GALNT8: variants seen among roughly 807,000 people sequenced by gnomAD.
GALNT8 encodes the protein polypeptide N-acetylgalactosaminyltransferase 8.
A neutral mutation model predicts 62.7 loss-of-function variants in GALNT8; 66 were observed. The observed-to-expected ratio is 1.05, with a 90% confidence interval of 0.86 to 1.29. GALNT8 has a LOEUF of 1.29. Ranked by LOEUF, GALNT8 falls within the 50% of genes most tolerant of loss-of-function variation. GALNT8 has a pLI of 0.00. For missense variants in GALNT8, 771 were observed against 791.8 expected, an observed-to-expected ratio of 0.97 and a Z score of 0.32; for synonymous variants, 288 against 294.3, an observed-to-expected ratio of 0.98 and a Z score of 0.22.
intron 4 of GALNT8, 142 bp from the exon 5 acceptor site, chr12:4,745,287 G>C (rs1946292071): frequency 1.6e-6 from 1 of 644,804 alleles, no homozygotes; most frequent in Non-Finnish European, 2.8e-6. Flanking sequence ...CTGGACTCTA[G>C]AGAGTTCTAC....
chr12:4,768,460 A>G (rs1423375177), intron 10 of GALNT8: 1 of 369,002 alleles, frequency 2.7e-6, no homozygotes, highest in Non-Finnish European at 5.4e-6. Context: ...TACTAAATAA[A>G]TAATTATGCA....
rs946937851 is a variant in GALNT8 at position 4,765,525 on chromosome 12, T to C, written c.1740T>C (p.His580=). 4 of 1,604,306 alleles carry C rather than the reference T, an allele frequency of 2.5e-6. No homozygotes were observed. In the Admixed American group the frequency reaches 6.9e-5, roughly 28 times the overall value. ...CCAAGGCAGCTAAGAATAGACTGCA[T>C]ATATATTGGGATTTTAAACCGGTGA... ...PCSKAAKNRL[H]IYWDFKPGGA... The change falls in exon 10 of 11, where the codon CAT becomes CAC. Residue 580 remains histidine, a synonymous_variant. Coordinates refer to ENST00000252318, the MANE Select transcript of GALNT8 (RefSeq NM_017417.2).
At position 4,720,636 on chromosome 12, in the gene GALNT8, C is replaced by A; in HGVS notation, c.-42C>A. The A allele has an allele frequency of 8.1e-7, 1 of 1,228,956 alleles. No individual in the cohort carries two copies. Among genetic ancestry groups the A allele is most frequent in the Non-Finnish European group, 1.2e-6 (1 of 828,304 alleles). 76.1% of individuals were successfully genotyped at this position (1,228,956 alleles called of 1,614,324 possible). ...GATTCTTAACCTGCTCCAGCAGTGA[C>A]ACACTCAGTCCCACAGGGAGTGGAC... is the stretch of plus-strand genomic sequence containing the variant. On this transcript the variant is annotated 5_prime_UTR_variant, in exon 1 of 11. Transcript: ENST00000252318.
chr12:4,737,536 T>C (rs778569181), intron 2 of GALNT8, among the ~76,000 whole-genome samples: 3 of 152,228 alleles, frequency 2.0e-5, no homozygotes, highest in Non-Finnish European at 4.4e-5. Context: ...ATTCTGTTTT[T>C]CTTAACAAGG....
At chr12:4,768,104 C>A (rs1201774395) in intron 10 of GALNT8, among the ~76,000 whole-genome samples, 1 of 152,052 alleles carries the variant, frequency 6.6e-6, no homozygotes, top group Non-Finnish European at 1.5e-5. Context: ...TTTTTCAATT[C>A]TTAAGTTCTC....
intron 3 of GALNT8, among the ~76,000 whole-genome samples, chr12:4,740,146 G>C (rs1460655528): frequency 1.3e-5 from 2 of 152,190 alleles, no homozygotes; most frequent in African/African-American, 4.8e-5. Context: ...AGTGGCAACA[G>C]CTCTTGCCCA....
chr12:4,731,126 G>A (rs1278807771), intron 2 of GALNT8, among the ~76,000 whole-genome samples: 2 of 151,848 alleles, frequency 1.3e-5, no homozygotes, highest in Non-Finnish European at 2.9e-5. Context: ...GTGAGCCACC[G>A]CCCCCGGCCT....
intron 6 of GALNT8, among the ~76,000 whole-genome samples, chr12:4,747,257 T>G (rs1477468802): frequency 6.6e-6 from 1 of 152,186 alleles, no homozygotes; most frequent in Non-Finnish European, 1.5e-5. Context: ...AATGCAAAAT[T>G]AAATTATTAT....
At chr12:4,762,777 G>T (rs1382356992) in intron 7 of GALNT8, among the ~76,000 whole-genome samples, 1 of 152,246 alleles carries the variant, frequency 6.6e-6, no homozygotes, top group East Asian at 1.9e-4. Context: ...TGAAGGAGCT[G>T]TTAAAAGAAA....
intron 6 of GALNT8, among the ~76,000 whole-genome samples, chr12:4,747,432 T>C (rs1252793361): frequency 2.0e-5 from 3 of 152,176 alleles, no homozygotes; most frequent in Non-Finnish European, 2.9e-5. Context: ...AGTTCAATTG[T>C]TTTGATTTTT....
chr12:4,740,160 G>A (rs1371268718), intron 3 of GALNT8, among the ~76,000 whole-genome samples: 1 of 152,140 alleles, frequency 6.6e-6, no homozygotes, highest in Non-Finnish European at 1.5e-5. Context: ...TTGCCCACAG[G>A]GTGCCCGTGC....
intron 9 of GALNT8, among the ~76,000 whole-genome samples, chr12:4,764,493 A>G (rs1212375927): frequency 6.8e-6 from 1 of 147,168 alleles, no homozygotes; most frequent in Non-Finnish European, 1.5e-5. Context: ...CAAGGGATGG[A>G]AGGGCCCTGG....
In GALNT8 at chr12:4,720,461, T is replaced by C. The variant is rs751934384; in HGVS notation, c.-217T>C. 5.0e-5 allele frequency: 28 copies of C among 557,222 alleles called. No homozygotes were observed. Among genetic ancestry groups the C allele is most frequent in the Non-Finnish European group, 8.0e-5 (25 of 314,088 alleles). 34.5% of individuals were successfully genotyped at this position (557,222 alleles called of 1,614,324 possible). A position where few individuals can be genotyped will look rare whatever the true frequency, so the allele number is the denominator to read the frequency against. On this transcript the variant is annotated 5_prime_UTR_variant, in exon 1 of 11. Coordinates refer to ENST00000252318, the MANE Select transcript of GALNT8 (RefSeq NM_017417.2). ...CAACCTGTGGAAAGCCGCTGAGCGG[T>C]TATCCTCTCGGGGCATAAAGACAAA...
chr12:4,739,085 A>G, intron 2 of GALNT8, 78 bp from the exon 3 acceptor site: 1 of 874,650 alleles, frequency 1.1e-6, no homozygotes, highest in Non-Finnish European at 1.7e-6. Context: ...AACATCATAC[A>G]GAGTGAAAGG....
At chr12:4,750,897 C>A (rs1946319806) in intron 6 of GALNT8, among the ~76,000 whole-genome samples, 1 of 152,068 alleles carries the variant, frequency 6.6e-6, no homozygotes. Context: ...GCTACAACAA[C>A]CAAAACATCA....
chr12:4,748,140 T>C (rs1288265982), intron 6 of GALNT8, among the ~76,000 whole-genome samples: 1 of 152,210 alleles, frequency 6.6e-6, no homozygotes, highest in East Asian at 1.9e-4. Context: ...AGATGGGTAG[T>C]TTGCAAATAT....
intron 2 of GALNT8, among the ~76,000 whole-genome samples, chr12:4,736,478 A>G (rs780575049): frequency 6.8e-4 from 104 of 152,240 alleles, no homozygotes; most frequent in Non-Finnish European, 1.2e-3. Flanking sequence ...CACATATATC[A>G]AGGAATCTAA....
chr12:4,752,046 T>C (rs1946324350), intron 6 of GALNT8, among the ~76,000 whole-genome samples: 1 of 152,198 alleles, frequency 6.6e-6, no homozygotes, highest in Non-Finnish European at 1.5e-5. Context: ...TTGAAATCTA[T>C]TTTGCCTGAT....
intron 6 of GALNT8, among the ~76,000 whole-genome samples, chr12:4,746,903 G>T (rs904359023): frequency 6.6e-6 from 1 of 151,974 alleles, no homozygotes; most frequent in Admixed American, 6.6e-5. Context: ...TATTAAAAAA[G>T]AAAGAAAAAG....
Sources: gnomAD v4.1 joint callset for allele counts (sites outside exome capture counted in the v4.1 genomes callset) on GRCh38, gnomAD v4.1.1 for gene constraint, MANE v1.5 for transcripts, NCBI Gene and HGNC (gene_info 2026-07-23, HGNC 2026-07-21) for gene names.